CLCN3: variants seen among roughly 807,000 people sequenced by gnomAD.
The protein encoded by CLCN3 is H(+)/Cl(-) exchange transporter 3.
CLCN3 carries 16 observed loss-of-function variants against 83.4 expected under a neutral mutation model. The ratio of observed to expected loss-of-function variants is 0.19; its 90% confidence interval spans 0.13 to 0.29. CLCN3 has a LOEUF of 0.29. CLCN3 is among the 10% of genes least tolerant of loss of function. CLCN3 has a pLI of 1.00. For missense variants in CLCN3, 544 were observed against 1,006.0 expected (o/e 0.54, Z 6.21); for synonymous variants, 322 against 346.2 (o/e 0.93, Z 0.78).
intron 3 of CLCN3, among the ~76,000 whole-genome samples, chr4:169,684,975 ATTTT>A (rs34668119): frequency 1.6e-5 from 2 of 127,950 alleles, no homozygotes; most frequent in African/African-American, 2.9e-5. Context: ...TGCCTGGCTA[ATTTT>A]TTTTTTTTTT....
intron 2 of CLCN3, among the ~76,000 whole-genome samples, chr4:169,637,808 A>G (rs761358451): frequency 1.3e-5 from 2 of 152,032 alleles, no homozygotes; most frequent in East Asian, 1.9e-4. Context: ...TTTTTTTCCC[A>G]TATGAATAAC....
At chr4:169,666,112 C>G (rs1386624155) in intron 2 of CLCN3, among the ~76,000 whole-genome samples, 1 of 151,618 alleles carries the variant, frequency 6.6e-6, no homozygotes, top group African/African-American at 2.4e-5. Context: ...TGTCAAACTT[C>G]AAGTTTTAAC....
chr4:169,690,348 A>C (rs1732318701), intron 5 of CLCN3, among the ~76,000 whole-genome samples, 182 bp from the exon 6 acceptor site: 1 of 151,914 alleles, frequency 6.6e-6, no homozygotes, highest in Non-Finnish European at 1.5e-5. Flanking sequence ...GTTTCACCAC[A>C]TTGGCCAAGC....
intron 3 of CLCN3, among the ~76,000 whole-genome samples, chr4:169,683,402 G>C (rs1732024062): frequency 6.6e-6 from 1 of 152,140 alleles, no homozygotes; most frequent in African/African-American, 2.4e-5. Flanking sequence ...AGCTGAGGTG[G>C]GAGGATCCCT....
chr4:169,692,312 A>C lies in CLCN3; in HGVS notation c.928A>C (p.Lys310Gln). The change falls in exon 7 of 13, where the codon AAA (lysine) becomes CAA (glutamine). Residue 310 changes from lysine to glutamine, a missense_variant. Around this residue, in one of 6 missense-constraint regions of CLCN3, gnomAD observed 194 missense variants for 341.4 expected, o/e 0.57. Coordinates refer to ENST00000513761, the MANE Select transcript of CLCN3 (RefSeq NM_001829.4). ...FPKYSTNEAKKREVLSAASAA... is the reference protein window; with the variant it reads ...FPKYSTNEAKQREVLSAASAA... ...AAAGTATAGCACAAACGAAGCTAAA[A>C]AAAGGGAGGTAAGTGTCTTTTGTAG... is the stretch of plus-strand genomic sequence containing the variant. 1 of 1,594,616 alleles carries C rather than the reference A, an allele frequency of 6.3e-7. No individual in the cohort carries two copies. Among genetic ancestry groups the C allele is most frequent in the Non-Finnish European group, 8.6e-7 (1 of 1,163,880 alleles).
intron 8 of CLCN3, among the ~76,000 whole-genome samples, chr4:169,696,625 C>T (rs895380339): frequency 6.6e-6 from 1 of 151,904 alleles, no homozygotes; most frequent in Non-Finnish European, 1.5e-5. Flanking sequence ...TCTTACTGTG[C>T]AATAGAACAC....
Position 169,680,198 on chromosome 4 carries a change from G to A in CLCN3, c.309G>A (p.Arg103=), listed in dbSNP as rs778345623. 32 of 1,611,350 alleles carry A rather than the reference G, an allele frequency of 2.0e-5. No individual in the cohort carries two copies. Among genetic ancestry groups the A allele is most frequent in the Middle Eastern group, 1.6e-4 (1 of 6,082 alleles). ...WVREKCKDRE[R]HRRINSKKKE... is the part of the protein sequence containing the mutation. ...GAGAAAAATGTAAAGACAGAGAAAG[G>A]CATAGACGGGTAAGTGTTTTTAGTA... Residue 103 remains arginine (R), a synonymous_variant, in exon 3 of 13, where the codon AGG becomes AGA. Coordinates refer to ENST00000513761, the MANE Select transcript of CLCN3 (RefSeq NM_001829.4).
intron 5 of CLCN3, among the ~76,000 whole-genome samples, 182 bp downstream of exon 5, chr4:169,689,412 T>G (rs947083765): frequency 6.6e-5 from 10 of 152,360 alleles, no homozygotes; most frequent in Admixed American, 3.3e-4. Context: ...TTTTTATTAG[T>G]TAACTGCATA....
At chr4:169,704,995 A>G (rs1192785702) in intron 10 of CLCN3, among the ~76,000 whole-genome samples, 2 of 152,224 alleles carry the variant, frequency 1.3e-5, no homozygotes, top group African/African-American at 4.8e-5. Flanking sequence ...GCATAATACA[A>G]AAAGAACATG....
At chr4:169,709,255 T>TA (rs1227395948) in intron 11 of CLCN3, among the ~76,000 whole-genome samples, 1 of 151,352 alleles carries the variant, frequency 6.6e-6, no homozygotes, top group East Asian at 1.9e-4. Flanking sequence ...TCTCATAAAA[T>TA]AAGATGGTTG....
intron 2 of CLCN3, among the ~76,000 whole-genome samples, chr4:169,672,202 T>G (rs941400092): frequency 1.1e-5 from 1 of 86,996 alleles, no homozygotes; most frequent in African/African-American, 4.4e-5. Flanking sequence ...ACAGAGCGAG[T>G]CTCCATCTCA....
chr4:169,714,954 G>A (rs765118946), intron 12 of CLCN3, among the ~76,000 whole-genome samples: 1 of 152,036 alleles, frequency 6.6e-6, no homozygotes, highest in Non-Finnish European at 1.5e-5. Flanking sequence ...TAGTTAAATG[G>A]GGCAACTTTT....
At chr4:169,661,222 C>G (rs1017625557) in intron 2 of CLCN3, among the ~76,000 whole-genome samples, 3 of 151,990 alleles carry the variant, frequency 2.0e-5, no homozygotes, top group African/African-American at 7.2e-5. Context: ...ATTCGAAAAA[C>G]AGACTGGTCG....
chr4:169,649,118 C>T, intron 2 of CLCN3, among the ~76,000 whole-genome samples: 1 of 150,716 alleles, frequency 6.6e-6, no homozygotes, highest in East Asian at 1.9e-4. Context: ...AAAACGAATA[C>T]AAGTCAGGCA....
intron 9 of CLCN3, among the ~76,000 whole-genome samples, chr4:169,700,118 G>T (rs1560867645): frequency 1.3e-5 from 2 of 152,114 alleles, no homozygotes; most frequent in African/African-American, 4.8e-5. Context: ...ATCATACCTG[G>T]CAAGAGAGTG....
At chr4:169,695,738 T>A in intron 8 of CLCN3, 46 bp downstream of exon 8, 1 of 1,253,746 alleles carries the variant, frequency 8.0e-7, no homozygotes, top group Non-Finnish European at 1.2e-6. Context: ...TAATTACCAT[T>A]ACAAATATAT....
At chr4:169,639,742 A>G (rs1201593874) in intron 2 of CLCN3, among the ~76,000 whole-genome samples, 3 of 152,208 alleles carry the variant, frequency 2.0e-5, no homozygotes, top group Admixed American at 2.0e-4. Flanking sequence ...GTTTCTGCTC[A>G]GTATCTGGGG....
At chr4:169,668,031 G>A (rs1297083365) in intron 2 of CLCN3, among the ~76,000 whole-genome samples, 3 of 140,272 alleles carry the variant, frequency 2.1e-5, no homozygotes, top group Admixed American at 7.3e-5. Context: ...GAGCCACCGC[G>A]CCCGGCCAGA....
intron 2 of CLCN3, among the ~76,000 whole-genome samples, chr4:169,651,751 A>G (rs1248573839): frequency 6.6e-6 from 1 of 152,182 alleles, no homozygotes; most frequent in Non-Finnish European, 1.5e-5. Context: ...ACATATGTGG[A>G]AACCACAGAT....
Sources: gnomAD v4.1 joint callset for allele counts (sites outside exome capture counted in the v4.1 genomes callset) on GRCh38, gnomAD v4.1.1 for gene constraint, gnomAD v4.1.1 regional missense constraint, MANE v1.5 for transcripts, NCBI Gene and HGNC (gene_info 2026-07-23, HGNC 2026-07-21) for gene names.